The following DDX10 variants were observed in gnomAD, a reference collection of about 807,000 sequenced individuals.
DDX10 encodes probable ATP-dependent RNA helicase DDX10.
In DDX10, 74 loss-of-function variants were observed where a neutral mutation model predicts 104.3. That is an observed-to-expected ratio of 0.71 (90% confidence interval 0.59 to 0.86). The LOEUF (loss-of-function observed/expected upper bound fraction) is 0.86. DDX10 is among the 40% of genes least tolerant of loss of function. DDX10 has a pLI of 0.00. For synonymous variants in DDX10, 351 were observed against 353.4 expected (o/e 0.99, Z 0.08); for missense variants, 952 against 1,040.0 (o/e 0.92, Z 1.16).
chr11:108,754,446 T>A (rs555984133), intron 13 of DDX10, among the ~76,000 whole-genome samples: 3 of 152,056 alleles, frequency 2.0e-5, no homozygotes, highest in Non-Finnish European at 4.4e-5. Context: ...CATTGGGGTT[T>A]AGGAAGAAAA....
At chr11:108,825,275 G>A (rs533133411) in intron 13 of DDX10, among the ~76,000 whole-genome samples, 3 of 152,246 alleles carry the variant, frequency 2.0e-5, no homozygotes, top group Admixed American at 1.3e-4. Context: ...GGAAAATGAG[G>A]GAAACAGTGG....
chr11:108,838,572 T>C lies in DDX10; in HGVS notation c.2085+7T>C. 1 of 1,604,048 alleles carries C rather than the reference T, an allele frequency of 6.2e-7. No individual in the cohort carries two copies. Among genetic ancestry groups the C allele is most frequent in the Non-Finnish European group, 8.5e-7 (1 of 1,175,722 alleles). ...ATTTACTGATGAAGGGGAGGTAAGA[T>C]TCTAGAAGTGTTTCATTTCTGAGGT... On this transcript the variant is annotated splice_region_variant and intron_variant, in intron 14 of 17. Transcript: ENST00000322536.
intron 17 of DDX10, among the ~76,000 whole-genome samples, chr11:108,924,417 T>C (rs1863881475): frequency 6.6e-6 from 1 of 152,216 alleles, no homozygotes; most frequent in Admixed American, 6.5e-5. Flanking sequence ...CTTTATGGAT[T>C]GATACCTTTT....
chr11:108,834,743 C>CAGT (rs1311007074), intron 13 of DDX10, among the ~76,000 whole-genome samples: 2 of 151,848 alleles, frequency 1.3e-5, no homozygotes, highest in Non-Finnish European at 2.9e-5. Flanking sequence ...CTGGCTAACA[C>CAGT]AGTGAAACCC....
chr11:108,916,730 G>T (rs538066779), intron 16 of DDX10, among the ~76,000 whole-genome samples: 1 of 152,222 alleles, frequency 6.6e-6, no homozygotes, highest in East Asian at 1.9e-4. Context: ...GCCACTGCTT[G>T]TTTCGGTTTA....
At chr11:108,925,118 T>C (rs1269812939) in intron 17 of DDX10, among the ~76,000 whole-genome samples, 2 of 152,152 alleles carry the variant, frequency 1.3e-5, no homozygotes, top group African/African-American at 2.4e-5. Flanking sequence ...AAGAACAATA[T>C]TTGGAGAAAC....
chr11:108,839,783 C>T (rs956366724), intron 14 of DDX10, among the ~76,000 whole-genome samples: 6 of 151,932 alleles, frequency 3.9e-5, no homozygotes, highest in African/African-American at 7.2e-5. Context: ...TATGAAGTTA[C>T]GAAAAAGAGG....
intron 13 of DDX10, among the ~76,000 whole-genome samples, chr11:108,756,318 G>A (rs914548280): frequency 4.6e-5 from 7 of 152,024 alleles, no homozygotes; most frequent in African/African-American, 1.4e-4. Flanking sequence ...AGTGCTGTGA[G>A]ACCACATACA....
intron 7 of DDX10, among the ~76,000 whole-genome samples, chr11:108,691,110 G>T (rs1485005218): frequency 6.6e-6 from 1 of 152,210 alleles, no homozygotes; most frequent in African/African-American, 2.4e-5. Context: ...TAGTGATTGG[G>T]TAACAAGCAA....
intron 15 of DDX10, among the ~76,000 whole-genome samples, chr11:108,850,449 G>A (rs1456110186): frequency 1.3e-5 from 2 of 152,118 alleles, no homozygotes; most frequent in Non-Finnish European, 2.9e-5. Flanking sequence ...GTTATTCTTT[G>A]CAACTTTGAA....
chr11:108,746,015 AT>A (rs2094331465), intron 13 of DDX10, among the ~76,000 whole-genome samples: 1 of 152,100 alleles, frequency 6.6e-6, no homozygotes, highest in South Asian at 2.1e-4. Flanking sequence ...CAGTATTAGA[AT>A]GTTTTTTATC....
intron 16 of DDX10, among the ~76,000 whole-genome samples, chr11:108,912,298 A>G (rs1957575145): frequency 6.6e-6 from 1 of 152,122 alleles, no homozygotes; most frequent in Non-Finnish European, 1.5e-5. Flanking sequence ...GGATTAGGGT[A>G]TGGACATATG....
At chr11:108,772,531 T>A (rs2094364585) in intron 13 of DDX10, among the ~76,000 whole-genome samples, 1 of 152,178 alleles carries the variant, frequency 6.6e-6, no homozygotes, top group South Asian at 2.1e-4. Context: ...TAGTAGCCAT[T>A]GGCAAGGACT....
intron 16 of DDX10, among the ~76,000 whole-genome samples, chr11:108,864,630 T>C (rs1862984368): frequency 6.6e-6 from 1 of 151,990 alleles, no homozygotes; most frequent in South Asian, 2.1e-4. Context: ...GATAATTTTG[T>C]TTATTTTTTT....
intron 13 of DDX10, among the ~76,000 whole-genome samples, chr11:108,775,284 T>A (rs1393752319): frequency 1.3e-5 from 2 of 152,204 alleles, no homozygotes; most frequent in East Asian, 3.9e-4. Flanking sequence ...ATACTGACTT[T>A]TTAAATGTGT....
chr11:108,691,120 A>G (rs1186341819), intron 7 of DDX10, among the ~76,000 whole-genome samples: 1 of 152,226 alleles, frequency 6.6e-6, no homozygotes, highest in Non-Finnish European at 1.5e-5. Context: ...GTAACAAGCA[A>G]TTCACTTGGT....
chr11:108,884,358 A>G (rs1216011688), intron 16 of DDX10, among the ~76,000 whole-genome samples: 4 of 152,098 alleles, frequency 2.6e-5, no homozygotes, highest in African/African-American at 7.2e-5. Context: ...TCCCTATTCT[A>G]GAAAGCTTGT....
chr11:108,894,293 G>A (rs1409856657), intron 16 of DDX10, among the ~76,000 whole-genome samples: 1 of 152,016 alleles, frequency 6.6e-6, no homozygotes, highest in Non-Finnish European at 1.5e-5. Flanking sequence ...CATTCTCATT[G>A]TCTTTAAGGT....
At chr11:108,844,045 C>T (rs1294996735) in intron 15 of DDX10, among the ~76,000 whole-genome samples, 1 of 152,170 alleles carries the variant, frequency 6.6e-6, no homozygotes, top group Non-Finnish European at 1.5e-5. Flanking sequence ...ATGACTATCT[C>T]ATAGCAAGGT....
Sources: allele counts gnomAD v4.1 joint callset (sites outside exome capture counted in the v4.1 genomes callset), GRCh38; gene constraint gnomAD v4.1.1; transcripts MANE v1.5; gene names NCBI Gene and HGNC (gene_info 2026-07-23, HGNC 2026-07-21).